TDRD3: variants seen among roughly 807,000 people sequenced by gnomAD.
TDRD3 encodes tudor domain containing 3, also known as tudor domain-containing protein 3.
In TDRD3, 45 loss-of-function variants were observed where a neutral mutation model predicts 86.7. The observed-to-expected ratio is 0.52, with a 90% confidence interval of 0.41 to 0.67. The LOEUF is 0.67. Ranked by LOEUF, TDRD3 falls within the 30% of genes least tolerant of loss-of-function variation. TDRD3 has a pLI of 0.00. For synonymous variants in TDRD3, 298 were observed against 301.7 expected (o/e 0.99, Z 0.13); for missense variants, 814 against 889.0 (o/e 0.92, Z 1.07).
chr13:60,513,332 G>A (rs1957099296), intron 10 of TDRD3, among the ~76,000 whole-genome samples: 1 of 152,176 alleles, frequency 6.6e-6, no homozygotes, highest in Non-Finnish European at 1.5e-5. Flanking sequence ...GTGATGGGAG[G>A]GGTTCCATGA....
At chr13:60,521,724 C>T (rs1284519581) in intron 10 of TDRD3, among the ~76,000 whole-genome samples, 2 of 151,976 alleles carry the variant, frequency 1.3e-5, no homozygotes. Context: ...GGAGAAACCC[C>T]GTCTCTACTA....
chr13:60,559,392 A>G (rs1958281727), intron 12 of TDRD3, among the ~76,000 whole-genome samples: 1 of 152,178 alleles, frequency 6.6e-6, no homozygotes, highest in Non-Finnish European at 1.5e-5. Flanking sequence ...GTTTTGGAAC[A>G]GAAATATGTT....
intron 1 of TDRD3, among the ~76,000 whole-genome samples, chr13:60,404,208 A>C (rs187234629): frequency 2.9e-4 from 44 of 151,202 alleles, no homozygotes; most frequent in African/African-American, 1.0e-3. Context: ...TTTTCTTTAA[A>C]TATTGTGTCT....
chr13:60,532,348 G>A (rs1454266091), intron 11 of TDRD3, among the ~76,000 whole-genome samples: 2 of 152,264 alleles, frequency 1.3e-5, no homozygotes, highest in South Asian at 2.1e-4. Flanking sequence ...GTGAGGAACT[G>A]TGGACTCTAA....
chr13:60,469,337 TTA>T (rs748657557), intron 5 of TDRD3, among the ~76,000 whole-genome samples: 35 of 151,944 alleles, frequency 2.3e-4, no homozygotes, highest in Non-Finnish European at 4.4e-5. Context: ...CTCTAATACC[TTA>T]TATAATTTTC....
chr13:60,533,551 GAAT>G (rs983726729), intron 11 of TDRD3, among the ~76,000 whole-genome samples: 2 of 152,110 alleles, frequency 1.3e-5, no homozygotes, highest in Non-Finnish European at 2.9e-5. Context: ...TGAGGCAGGA[GAAT>G]CATTGGAACC....
intron 1 of TDRD3, among the ~76,000 whole-genome samples, chr13:60,408,667 G>A (rs1398191055): frequency 6.6e-6 from 1 of 152,176 alleles, no homozygotes; most frequent in Non-Finnish European, 1.5e-5. Flanking sequence ...AAGGTATCTA[G>A]CAGAAGAAAT....
intron 1 of TDRD3, among the ~76,000 whole-genome samples, chr13:60,412,746 A>G (rs1372665543): frequency 1.3e-5 from 2 of 152,104 alleles, no homozygotes; most frequent in Admixed American, 6.6e-5. Context: ...ACATGTTTTC[A>G]TGGAAAATAA....
intron 3 of TDRD3, among the ~76,000 whole-genome samples, 152 bp downstream of exon 3, chr13:60,444,900 T>G (rs1168090761): frequency 6.6e-6 from 1 of 151,904 alleles, no homozygotes; most frequent in Non-Finnish European, 1.5e-5. Flanking sequence ...GTGACTTCCA[T>G]GGAAAATTAT....
intron 3 of TDRD3, among the ~76,000 whole-genome samples, chr13:60,452,829 T>A (rs1246968566): frequency 1.4e-5 from 2 of 146,564 alleles, no homozygotes; most frequent in African/African-American, 2.5e-5. Flanking sequence ...TTTTTTTTTT[T>A]AATTACTAAA....
chr13:60,452,001 G>A (rs891518896), intron 3 of TDRD3, among the ~76,000 whole-genome samples: 1 of 152,102 alleles, frequency 6.6e-6, no homozygotes, highest in Non-Finnish European at 1.5e-5. Context: ...CTTCTCTGAA[G>A]AGCAAAAAAT....
intron 1 of TDRD3, among the ~76,000 whole-genome samples, chr13:60,411,286 G>A (rs533531636): frequency 3.5e-4 from 54 of 152,174 alleles, no homozygotes; most frequent in African/African-American, 1.2e-3. Context: ...GCAGTGTAGT[G>A]GTATATACTT....
intron 7 of TDRD3, among the ~76,000 whole-genome samples, chr13:60,491,418 T>C (rs939272108): frequency 3.3e-5 from 5 of 152,110 alleles, no homozygotes; most frequent in African/African-American, 1.2e-4. Flanking sequence ...ACCAAAGGAA[T>C]GAGTGTTGAT....
chr13:60,486,795 A>G (rs1020920761), intron 7 of TDRD3, among the ~76,000 whole-genome samples: 13 of 152,146 alleles, frequency 8.5e-5, no homozygotes, highest in African/African-American at 1.7e-4. Context: ...AGTAATTACT[A>G]TGCTGCTCTT....
chr13:60,553,174 A>G (rs1034777868), intron 12 of TDRD3, among the ~76,000 whole-genome samples: 2 of 152,220 alleles, frequency 1.3e-5, no homozygotes, highest in Non-Finnish European at 2.9e-5. Flanking sequence ...CCTTTTAAAC[A>G]TAAATTTCAA....
intron 12 of TDRD3, among the ~76,000 whole-genome samples, chr13:60,547,891 T>C (rs1039255691): frequency 2.0e-5 from 3 of 152,178 alleles, no homozygotes; most frequent in Non-Finnish European, 4.4e-5. Context: ...AATTATGTGC[T>C]TAGAAACATC....
At chr13:60,537,154 A>T (rs1407806134) in intron 12 of TDRD3, 1 of 152,112 alleles carries the variant, frequency 6.6e-6, no homozygotes, top group Non-Finnish European at 1.5e-5. Flanking sequence ...GGATAGAATC[A>T]CTAAATCTTT....
chr13:60,441,282 G>T (rs539173928), intron 2 of TDRD3, among the ~76,000 whole-genome samples: 125 of 150,950 alleles, frequency 8.3e-4, no homozygotes, highest in Non-Finnish European at 1.1e-3. Context: ...ATTTGCTGGG[G>T]TTTTTTTTTA....
chr13:60,425,435 T>C (rs1422423011), intron 1 of TDRD3, among the ~76,000 whole-genome samples: 1 of 152,146 alleles, frequency 6.6e-6, no homozygotes, highest in Non-Finnish European at 1.5e-5. Flanking sequence ...ACAGCCCTTG[T>C]GGAAAACAGT....
Sources: gnomAD v4.1 joint callset for allele counts (sites outside exome capture counted in the v4.1 genomes callset) on GRCh38, gnomAD v4.1.1 for gene constraint, MANE v1.5 for transcripts, NCBI Gene and HGNC (gene_info 2026-07-23, HGNC 2026-07-21) for gene names.